The following ABR variants were observed in gnomAD, a reference collection of about 807,000 sequenced individuals.
ABR encodes the protein active breakpoint cluster region-related protein.
A neutral mutation model predicts 107.2 loss-of-function variants in ABR; 35 were observed. The observed-to-expected ratio is 0.33, with a 90% CI of 0.25 to 0.43. The LOEUF (loss-of-function observed/expected upper bound fraction) is 0.43. ABR is among the 20% of genes least tolerant of loss of function. The pLI, the probability that ABR is intolerant of heterozygous loss-of-function variation, is 1.00. For synonymous variants in ABR, 498 were observed against 462.0 expected (o/e 1.08, Z -1.00); for missense variants, 815 against 1,115.2 (o/e 0.73, Z 3.83).
At chr17:1,105,372 T>C (rs1242717070) in intron 2 of ABR, among the ~76,000 whole-genome samples, 1 of 152,182 alleles carries the variant, frequency 6.6e-6, no homozygotes, top group Admixed American at 6.5e-5. Flanking sequence ...GTACAGGTCA[T>C]ATTTTTTCTA....
intron 1 of ABR, among the ~76,000 whole-genome samples, chr17:1,149,154 C>T (rs2040688706): frequency 6.6e-6 from 1 of 152,090 alleles, no homozygotes; most frequent in Admixed American, 6.5e-5. Flanking sequence ...CCACCCACCT[C>T]GGCCTCCCAA....
At chr17:1,016,436 C>T (rs1294177826) in intron 16 of ABR, among the ~76,000 whole-genome samples, 1 of 151,894 alleles carries the variant, frequency 6.6e-6, no homozygotes, top group Non-Finnish European at 1.5e-5. Flanking sequence ...CCTGCCTCAG[C>T]CTCCCGAGTA....
chr17:1,218,879 G>C (rs900365923), intron 1 of ABR, among the ~76,000 whole-genome samples: 1 of 152,140 alleles, frequency 6.6e-6, no homozygotes, highest in African/African-American at 2.4e-5. Context: ...CATTCCAAAT[G>C]TGCAAAATCC....
intron 4 of ABR, among the ~76,000 whole-genome samples, chr17:1,090,593 C>T (rs1005879024): frequency 5.3e-5 from 8 of 152,094 alleles, no homozygotes; most frequent in South Asian, 4.1e-4. Flanking sequence ...AGACAGGAAG[C>T]GGAGCAGGTG....
intron 16 of ABR, among the ~76,000 whole-genome samples, chr17:1,034,976 G>C (rs923464347): frequency 1.3e-5 from 2 of 152,046 alleles, no homozygotes; most frequent in Non-Finnish European, 2.9e-5. Flanking sequence ...CTGGATGAAC[G>C]ATGGCCAGCT....
intron 9 of ABR, among the ~76,000 whole-genome samples, chr17:1,068,795 T>C (rs2034975183): frequency 6.6e-6 from 1 of 152,222 alleles, no homozygotes. Flanking sequence ...CCTGTGCCTC[T>C]AGCTGTGCGA....
In ABR at chr17:1,078,129, G is replaced by C. The variant is rs936111085; in HGVS notation, c.700+1201C>G. On this transcript the variant is annotated intron_variant, in intron 6 of 22. Coordinates refer to ENST00000302538, the MANE Select transcript of ABR (RefSeq NM_021962.5). The surrounding 1 kb of genome is among the most constrained non-coding windows in gnomAD (Gnocchi z 7.5). ...GGTGTGTGTGTGTGTGTGTGTGTGT[G>C]TGACCTTCACAGAGTAGCTTGCCAC... 1.3e-5 allele frequency among the ~76,000 whole-genome samples: 2 copies of C among 152,034 alleles called. No homozygotes were observed. Among genetic ancestry groups the C allele is most frequent in the Non-Finnish European group, 2.9e-5 (2 of 68,000 alleles).
In ABR at chr17:1,065,494, G is replaced by C. The variant is rs1443016204; in HGVS notation, c.1182+1583C>G. Among the ~76,000 whole-genome samples the C allele has an allele frequency of 1.5e-5, 2 of 134,458 alleles. 1 individual carries two copies. Among genetic ancestry groups the C allele is most frequent in the Non-Finnish European group, 3.3e-5 (2 of 60,800 alleles). 88.2% of individuals were successfully genotyped at this position (134,458 alleles called of 152,430 possible). On this transcript the variant is annotated intron_variant, in intron 10 of 22. Coordinates refer to ENST00000302538, the MANE Select transcript of ABR (RefSeq NM_021962.5). ...GTTCCTCTAGACGCTGTTGTTATGT[G>C]AACTGAGGGCTATGCATGTTCCTCT...
intron 2 of ABR, among the ~76,000 whole-genome samples, chr17:1,114,011 T>TC (rs1367172602): frequency 2.0e-5 from 3 of 151,390 alleles, no homozygotes; most frequent in Non-Finnish European, 2.9e-5. Context: ...TATAAAAATT[T>TC]TAAAAAATAA....
At chr17:1,059,201 G>A (rs2033662784) in intron 10 of ABR, among the ~76,000 whole-genome samples, 2 of 152,094 alleles carry the variant, frequency 1.3e-5, no homozygotes, top group Non-Finnish European at 1.5e-5. Flanking sequence ...CCAGGGCCAG[G>A]GACCAGGTCA....
Position 1,179,655 on chromosome 17 carries a change from C to T in ABR, c.61+12G>A. On this transcript the variant is annotated intron_variant, in intron 1 of 22. Coordinates refer to ENST00000302538, the MANE Select transcript of ABR (RefSeq NM_021962.5). The surrounding 1 kb of genome is among the most constrained non-coding windows in gnomAD (Gnocchi z 4.9). ...CCGATCCTGGGGTCCCGCCCCCGCC[C>T]GGCACACGTACTGCTGTAGAGGGTG... is the stretch of plus-strand genomic sequence containing the variant. 6.5e-7 allele frequency: 1 copy of T among 1,533,368 alleles called. No individual in the cohort carries two copies. Among genetic ancestry groups the T allele is most frequent in the Non-Finnish European group, 8.8e-7 (1 of 1,138,992 alleles). The allele number at this position is 1,533,368 out of a possible 1,614,324, so 95.0% of individuals were successfully genotyped here. A position where few individuals can be genotyped will look rare whatever the true frequency, so the allele number is the denominator to read the frequency against.
rs377573804 is a variant in ABR, at chr17:1,055,983, A to C, written c.1561+52T>G. On this transcript the variant is annotated intron_variant, in intron 14 of 22. Coordinates refer to ENST00000302538, the MANE Select transcript of ABR (RefSeq NM_021962.5). ...GGCAGGGCCCCATCCTGGGCAGAGC[A>C]GTGCAGAATCCACAATGGCCCACCC... The C allele has an allele frequency of 4.7e-5, 72 of 1,529,842 alleles. No individual in the cohort carries two copies. In the African/African-American group the frequency reaches 9.6e-4, roughly 20 times the overall value. 94.8% of individuals were successfully genotyped at this position (1,529,842 alleles called of 1,614,324 possible). A position where few individuals can be genotyped will look rare whatever the true frequency, so the allele number is the denominator to read the frequency against.
At chr17:1,142,444 G>A (rs1352120820) in intron 1 of ABR, among the ~76,000 whole-genome samples, 44 of 152,080 alleles carry the variant, frequency 2.9e-4, no homozygotes, top group Non-Finnish European at 1.0e-4. Context: ...AATTAGCCGG[G>A]TATGGTGACA....
intron 1 of ABR, among the ~76,000 whole-genome samples, chr17:1,193,574 T>A (rs1224778106): frequency 1.3e-5 from 2 of 149,794 alleles, no homozygotes; most frequent in African/African-American, 4.9e-5. Context: ...CAGGAAAGCA[T>A]CCTGACCAGA....
upstream of ABR, among the ~76,000 whole-genome samples, chr17:1,187,573 G>A (rs865919837): frequency 6.6e-6 from 1 of 152,224 alleles, no homozygotes; most frequent in Non-Finnish European, 1.5e-5. Flanking sequence ...TGATCATCCC[G>A]CCGGACAAAA....
At chr17:1,014,783 T>C (rs1215853042) in intron 16 of ABR, among the ~76,000 whole-genome samples, 1 of 150,750 alleles carries the variant, frequency 6.6e-6, no homozygotes, top group African/African-American at 2.4e-5. Context: ...TAGGTGGAGG[T>C]TGCAGTGAGC....
intron 18 of ABR, 121 bp from the exon 19 acceptor site, chr17:1,012,106 G>C: frequency 6.6e-7 from 1 of 1,507,768 alleles, no homozygotes. Context: ...GAGCTGGGGC[G>C]GGGGCAGGGG....
At chr17:1,012,297 A>C in intron 18 of ABR, 1 of 634,646 alleles carries the variant, frequency 1.6e-6, no homozygotes, top group Non-Finnish European at 2.9e-6. Flanking sequence ...GGCAGCCCAC[A>C]TGAGGAGGTG....
intron 1 of ABR, among the ~76,000 whole-genome samples, chr17:1,127,668 C>T (rs556671321): frequency 4.6e-5 from 7 of 152,264 alleles, no homozygotes; most frequent in East Asian, 1.9e-4. Context: ...AATAGTGGAC[C>T]GCGGCTTTGC....
Sources: gnomAD v4.1 joint callset for allele counts (sites outside exome capture counted in the v4.1 genomes callset) on GRCh38, gnomAD v4.1.1 for gene constraint, Gnocchi (gnomAD v3.1) non-coding constraint, MANE v1.5 for transcripts, NCBI Gene and HGNC (gene_info 2026-07-23, HGNC 2026-07-21) for gene names.